ADAMTS6: variants seen among roughly 807,000 people sequenced by gnomAD.
ADAMTS6 encodes A disintegrin and metalloproteinase with thrombospondin motifs 6.
A neutral mutation model predicts 144.3 loss-of-function variants in ADAMTS6; 23 were observed. That is an observed-to-expected ratio of 0.16 (90% CI 0.11 to 0.23). ADAMTS6 has a LOEUF of 0.23. ADAMTS6 is among the 10% of genes least tolerant of loss of function. The probability of loss-of-function intolerance (pLI) is 1.00; values close to 1 mark genes in which losing one functional copy is unlikely to be tolerated. For missense variants in ADAMTS6, 999 were observed against 1,379.6 expected (o/e 0.72, Z 4.37); for synonymous variants, 444 against 457.5 (o/e 0.97, Z 0.38).
At chr5:65,247,508 C>T (rs1233538773) in intron 14 of ADAMTS6, among the ~76,000 whole-genome samples, 1 of 152,068 alleles carries the variant, frequency 6.6e-6, no homozygotes, top group African/African-American at 2.4e-5. Flanking sequence ...CCTTTTTGTG[C>T]CTTTTTTTCA....
At chr5:65,223,493 C>A (rs7716507) in intron 18 of ADAMTS6, among the ~76,000 whole-genome samples, 2 of 152,084 alleles carry the variant, frequency 1.3e-5, no homozygotes, top group South Asian at 2.1e-4. Flanking sequence ...TCCCTGCCCC[C>A]TGGTAAATAC....
chr5:65,226,404 AG>A (rs1266751494), intron 15 of ADAMTS6, among the ~76,000 whole-genome samples, 185 bp from the exon 16 acceptor site: 1 of 151,990 alleles, frequency 6.6e-6, no homozygotes, highest in Non-Finnish European at 1.5e-5. Flanking sequence ...TGCAACTTAA[AG>A]GGGGACTTGC....
intron 5 of ADAMTS6, among the ~76,000 whole-genome samples, chr5:65,452,462 T>TAAAAA (rs397976555): frequency 7.3e-6 from 1 of 137,646 alleles, no homozygotes; most frequent in Non-Finnish European, 1.6e-5. Context: ...TGTTTCAAGT[T>TAAAAA]AAAAAAAAAA....
chr5:65,377,602 A>G (rs1453592535), intron 7 of ADAMTS6, among the ~76,000 whole-genome samples: 2 of 152,124 alleles, frequency 1.3e-5, no homozygotes, highest in Non-Finnish European at 2.9e-5. Context: ...TGTTCACTCT[A>G]ATTTTGACTC....
Position 65,214,909 on chromosome 5 carries a change from C to T in ADAMTS6, c.2460G>A (p.Leu820=). Residue 820 remains leucine, a synonymous_variant, in exon 20 of 25, where the codon TTG becomes TTA. Coordinates refer to ENST00000381055, the MANE Select transcript of ADAMTS6 (RefSeq NM_197941.4). This position sits in a 1 kb window ranked among gnomAD's most constrained non-coding sequence, Gnocchi z 4.6. ...IVMVLLQEQN[L]GIRYKFNVPI... Reference sequence around the variant, plus strand: ...GAACATTGAACTTATACCTAATTCCCAAATTCTGTTCTTGAAGCAGAACCT... The same window carrying T: ...GAACATTGAACTTATACCTAATTCCTAAATTCTGTTCTTGAAGCAGAACCT... 6.2e-7 allele frequency: 1 copy of T among 1,613,880 alleles called. No homozygotes were observed. The highest frequency in any genetic ancestry group is 8.5e-7 in the Non-Finnish European group (1 of 1,179,900).
chr5:65,294,420 G>C (rs543161338), intron 10 of ADAMTS6, among the ~76,000 whole-genome samples: 1 of 152,246 alleles, frequency 6.6e-6, no homozygotes, highest in South Asian at 2.1e-4. Context: ...ATCTTGCCCA[G>C]GCTGGTCTAG....
intron 7 of ADAMTS6, among the ~76,000 whole-genome samples, chr5:65,370,493 C>T (rs547815291): frequency 1.3e-5 from 2 of 152,294 alleles, no homozygotes; most frequent in African/African-American, 4.8e-5. Context: ...GTTCCCTTTC[C>T]TAGTCAAAGA....
intron 14 of ADAMTS6, among the ~76,000 whole-genome samples, chr5:65,257,195 C>T (rs1760758868): frequency 6.6e-6 from 1 of 151,886 alleles, no homozygotes; most frequent in African/African-American, 2.4e-5. Flanking sequence ...GTTCCAGTAG[C>T]ATCCTGAGTG....
At chr5:65,203,762 AT>A (rs1325094400) in intron 20 of ADAMTS6, among the ~76,000 whole-genome samples, 1 of 152,198 alleles carries the variant, frequency 6.6e-6, no homozygotes, top group Non-Finnish European at 1.5e-5. Context: ...AAAAGGCTTT[AT>A]TTTTAAAAGG....
chr5:65,291,233 C>T (rs1008858181), intron 11 of ADAMTS6, 96 bp downstream of exon 11: 2 of 1,414,688 alleles, frequency 1.4e-6, no homozygotes, highest in African/African-American at 2.9e-5. Flanking sequence ...AAAGATATTA[C>T]TAGAGGGAAC....
At chr5:65,171,035 A>T (rs1753592589) in intron 23 of ADAMTS6, among the ~76,000 whole-genome samples, 1 of 149,542 alleles carries the variant, frequency 6.7e-6, no homozygotes, top group African/African-American at 2.5e-5. Flanking sequence ...TTTGAGACAG[A>T]GTCTCGCTCT....
intron 21 of ADAMTS6, among the ~76,000 whole-genome samples, chr5:65,193,601 G>A (rs1755145415): frequency 6.6e-6 from 1 of 152,020 alleles, no homozygotes; most frequent in Admixed American, 6.5e-5. Context: ...TCACTTCCAG[G>A]AAAATGGCAT....
intron 12 of ADAMTS6, among the ~76,000 whole-genome samples, chr5:65,271,074 T>G (rs1416668448): frequency 1.3e-5 from 2 of 152,120 alleles, no homozygotes; most frequent in Non-Finnish European, 2.9e-5. Flanking sequence ...TTGTCTGTGA[T>G]CATTCTTATT....
At chr5:65,396,679 T>A (rs549263367) in intron 7 of ADAMTS6, among the ~76,000 whole-genome samples, 10 of 152,366 alleles carry the variant, frequency 6.6e-5, no homozygotes, top group African/African-American at 2.2e-4. Context: ...TAGGACGCTG[T>A]TTCATGGCTA....
At chr5:65,280,184 G>A (rs1762880722) in intron 11 of ADAMTS6, among the ~76,000 whole-genome samples, 4 of 152,112 alleles carry the variant, frequency 2.6e-5, no homozygotes, top group Admixed American at 2.6e-4. Context: ...TTTGTTCCCA[G>A]CATCCCAATC....
intron 7 of ADAMTS6, among the ~76,000 whole-genome samples, chr5:65,385,157 T>A (rs1004059607): frequency 6.6e-6 from 1 of 152,186 alleles, no homozygotes; most frequent in Non-Finnish European, 1.5e-5. Flanking sequence ...GGGAGGGACA[T>A]ACATTCAGAT....
At chr5:65,345,469 C>A (rs1228603730) in intron 7 of ADAMTS6, among the ~76,000 whole-genome samples, 2 of 151,570 alleles carry the variant, frequency 1.3e-5, no homozygotes, top group African/African-American at 4.8e-5. Flanking sequence ...AAAAATTCAC[C>A]TAATAAGATA....
chr5:65,439,922 A>G (rs554744432), intron 7 of ADAMTS6, among the ~76,000 whole-genome samples: 3 of 152,250 alleles, frequency 2.0e-5, no homozygotes, highest in African/African-American at 7.2e-5. Flanking sequence ...CTTGTGCTTC[A>G]GTCTCCCAAG....
At position 65,250,518 on chromosome 5, in the gene ADAMTS6, A is replaced by G. The variant is rs982724304; in HGVS notation, c.1831-8312T>C. The stretch of plus-strand genomic sequence containing the variant: ...AGCAGAGCTGACTGAGAACACACCC[A>G]AGTACTACATAACCTATACTTAAAT... On this transcript the variant is annotated intron_variant, in intron 14 of 24. Transcript: ENST00000381055. Among the ~76,000 whole-genome samples the G allele has an allele frequency of 3.9e-5, 6 of 152,304 alleles. No homozygotes were observed. In the East Asian group the frequency reaches 1.2e-3, roughly 29 times the overall value.
Sources: gnomAD v4.1 joint callset for allele counts (sites outside exome capture counted in the v4.1 genomes callset) on GRCh38, gnomAD v4.1.1 for gene constraint, Gnocchi (gnomAD v3.1) non-coding constraint, MANE v1.5 for transcripts, NCBI Gene and HGNC (gene_info 2026-07-23, HGNC 2026-07-21) for gene names.